TMEM272: variants seen among roughly 807,000 people sequenced by gnomAD.
The protein encoded by TMEM272 is long intergenic non-protein coding RNA 282.
TMEM272 carries 8 observed loss-of-function variants against 3.7 expected under a neutral mutation model. That is an observed-to-expected ratio of 2.17 (90% CI 1.27 to 3.91). TMEM272 has a LOEUF of 3.91. Ranked by LOEUF, TMEM272 falls within the 30% of genes most tolerant of loss-of-function variation. The probability of loss-of-function intolerance (pLI) is 0.00; values close to 1 mark genes in which losing one functional copy is unlikely to be tolerated. For synonymous variants in TMEM272, 63 were observed against 39.8 expected (o/e 1.58, Z -2.20); for missense variants, 166 against 91.5 (o/e 1.81, Z -3.32).
At chr13:51,870,405 G>GA in the TMEM272 span, among the ~76,000 whole-genome samples, 1 of 151,814 alleles carries the variant, frequency 6.6e-6, no homozygotes. Context: ...GAGGAAAAAA[G>GA]AAAAAACAAA....
chr13:51,852,113 A>G, the TMEM272 span, among the ~76,000 whole-genome samples: 5,949 of 152,346 alleles, frequency 0.039, 383 homozygotes, highest in African/African-American at 0.13. Context: ...TCCTACCAGC[A>G]CTGTATAGCA....
chr13:51,824,021 C>T (rs2072439411), intron 3 of TMEM272, among the ~76,000 whole-genome samples: 1 of 152,186 alleles, frequency 6.6e-6, no homozygotes, highest in Non-Finnish European at 1.5e-5. Flanking sequence ...GTACTTGGTG[C>T]CAAATTTGTT....
chr13:51,867,331 G>C, the TMEM272 span, among the ~76,000 whole-genome samples: 1 of 152,184 alleles, frequency 6.6e-6, no homozygotes, highest in African/African-American at 2.4e-5. Context: ...AAATAGGAGG[G>C]CCAGGACCAA....
chr13:51,899,392 G>A, the TMEM272 span, among the ~76,000 whole-genome samples: 2 of 152,146 alleles, frequency 1.3e-5, no homozygotes, highest in East Asian at 1.9e-4. Context: ...AGGGTATAGC[G>A]ACTGAAAGGT....
the TMEM272 span, among the ~76,000 whole-genome samples, chr13:51,872,097 C>T: frequency 6.6e-6 from 1 of 152,114 alleles, no homozygotes; most frequent in African/African-American, 2.4e-5. Context: ...TTTGGAAAGC[C>T]TCTAATATGA....
the TMEM272 span, among the ~76,000 whole-genome samples, chr13:51,891,038 G>C: frequency 6.6e-6 from 1 of 152,138 alleles, no homozygotes; most frequent in Non-Finnish European, 1.5e-5. Flanking sequence ...TCTTTTTTAG[G>C]AGGGCTGTGA....
At chr13:51,824,965 A>G (rs2139559553) in intron 3 of TMEM272, among the ~76,000 whole-genome samples, 1 of 152,288 alleles carries the variant, frequency 6.6e-6, no homozygotes, top group African/African-American at 2.4e-5. Flanking sequence ...AAGAAAGCAA[A>G]AAGAAAGGTA....
chr13:51,894,674 G>C, the TMEM272 span, among the ~76,000 whole-genome samples: 1 of 152,176 alleles, frequency 6.6e-6, no homozygotes, highest in African/African-American at 2.4e-5. Flanking sequence ...GCCTGCAGTC[G>C]CTTAAAGCAG....
the TMEM272 span, among the ~76,000 whole-genome samples, chr13:51,922,982 T>C: frequency 1.3e-5 from 2 of 152,244 alleles, no homozygotes; most frequent in Non-Finnish European, 1.5e-5. Flanking sequence ...AGGGCTCCTT[T>C]TGCCCTTCAC....
the TMEM272 span, chr13:51,862,056 C>G: frequency 7.2e-5 from 11 of 152,210 alleles, no homozygotes; most frequent in Non-Finnish European, 1.3e-4. Context: ...TTATAGGGGT[C>G]CCCTTCTTGG....
the TMEM272 span, among the ~76,000 whole-genome samples, chr13:51,859,495 C>T: frequency 7.1e-6 from 1 of 140,794 alleles, no homozygotes; most frequent in East Asian, 2.1e-4. Flanking sequence ...GCACCCCCGA[C>T]TCCCAACCAA....
the TMEM272 span, chr13:51,908,445 C>A: frequency 2.6e-6 from 4 of 1,522,554 alleles, no homozygotes; most frequent in Non-Finnish European, 3.6e-6. Flanking sequence ...TGGAGAAGCT[C>A]CAAACATGGT....
At chr13:51,860,541 AG>A in the TMEM272 span, among the ~76,000 whole-genome samples, 1 of 147,416 alleles carries the variant, frequency 6.8e-6, no homozygotes, top group Non-Finnish European at 1.5e-5. Context: ...TGAGAGGCTG[AG>A]GTGGGATGAT....
the TMEM272 span, among the ~76,000 whole-genome samples, chr13:51,874,690 G>A: frequency 6.6e-6 from 1 of 152,174 alleles, no homozygotes; most frequent in Non-Finnish European, 1.5e-5. Flanking sequence ...TTAACACCAG[G>A]GAAGGGTGAG....
chr13:51,926,467 C>T, the TMEM272 span, among the ~76,000 whole-genome samples: 5 of 152,140 alleles, frequency 3.3e-5, no homozygotes, highest in African/African-American at 4.8e-5. Flanking sequence ...TCCCCACTGC[C>T]GAGGTGAGGG....
At chr13:51,879,936 G>A in the TMEM272 span, among the ~76,000 whole-genome samples, 11 of 152,234 alleles carry the variant, frequency 7.2e-5, no homozygotes, top group African/African-American at 2.4e-4. Context: ...ACAGGGAGTC[G>A]AGTCATTATG....
chr13:51,840,764 C>T (rs1242495447), intron 1 of TMEM272, among the ~76,000 whole-genome samples: 2 of 152,230 alleles, frequency 1.3e-5, no homozygotes, highest in African/African-American at 4.8e-5. Flanking sequence ...AATGTCTCTT[C>T]ACAAGGCTCC....
chr13:51,888,439 C>T, the TMEM272 span, among the ~76,000 whole-genome samples: 2 of 152,128 alleles, frequency 1.3e-5, no homozygotes, highest in Non-Finnish European at 2.9e-5. Flanking sequence ...TAAGCACCTT[C>T]CAGGCTACCC....
the TMEM272 span, among the ~76,000 whole-genome samples, chr13:51,920,003 C>A: frequency 2.0e-5 from 3 of 151,952 alleles, no homozygotes; most frequent in Non-Finnish European, 4.4e-5. Flanking sequence ...TATCACCAGG[C>A]TCAGGAGCTA....
Sources: gnomAD v4.1 joint callset for allele counts (sites outside exome capture counted in the v4.1 genomes callset) on GRCh38, gnomAD v4.1.1 for gene constraint, MANE v1.5 for transcripts, NCBI Gene and HGNC (gene_info 2026-07-23, HGNC 2026-07-21) for gene names.